The following CTNND2 variants were observed in gnomAD, a reference collection of about 807,000 sequenced individuals.
The protein encoded by CTNND2 is catenin delta-2.
A neutral mutation model predicts 144.4 loss-of-function variants in CTNND2; 22 were observed. That is an observed-to-expected ratio of 0.15 (90% CI 0.11 to 0.22). CTNND2 has a LOEUF of 0.22. CTNND2 is among the 10% of genes least tolerant of loss of function. The pLI, the probability that CTNND2 is intolerant of heterozygous loss-of-function variation, is 1.00. For synonymous variants in CTNND2, 751 were observed against 695.6 expected, an observed-to-expected ratio of 1.08 and a Z score of -1.25; for missense variants, 1,353 against 1,618.8, an observed-to-expected ratio of 0.84 and a Z score of 2.82.
chr5:11,355,699 CA>C (rs1440751351), intron 8 of CTNND2, among the ~76,000 whole-genome samples: 2 of 151,938 alleles, frequency 1.3e-5, no homozygotes, highest in African/African-American at 4.8e-5. Context: ...AGGCAAGAAA[CA>C]AAAACAAAAG....
At chr5:11,371,652 C>A (rs934807608) in intron 7 of CTNND2, among the ~76,000 whole-genome samples, 6 of 152,144 alleles carry the variant, frequency 3.9e-5, no homozygotes, top group African/African-American at 1.4e-4. Flanking sequence ...ATTTAAAGGG[C>A]CCCAAAATAT....
intron 3 of CTNND2, among the ~76,000 whole-genome samples, chr5:11,501,329 T>C (rs1770501234): frequency 6.6e-6 from 1 of 152,188 alleles, no homozygotes; most frequent in African/African-American, 2.4e-5. Flanking sequence ...ATTATCTCTC[T>C]CCAGATATGA....
chr5:11,819,349 A>C (rs1793190478), intron 1 of CTNND2, among the ~76,000 whole-genome samples: 1 of 152,090 alleles, frequency 6.6e-6, no homozygotes, highest in African/African-American at 2.4e-5. Context: ...CAGGAGAATC[A>C]CTTGAGCCCA....
chr5:11,811,127 G>A (rs1792308491), intron 1 of CTNND2, among the ~76,000 whole-genome samples: 1 of 152,108 alleles, frequency 6.6e-6, no homozygotes, highest in South Asian at 2.1e-4. Flanking sequence ...GTCACTCAGG[G>A]TCTGTGAAAG....
In CTNND2 at chr5:11,155,546, A is replaced by G. The variant is rs192370544; in HGVS notation, c.2159+4030T>C. ...AGAAGGGAGCATTAGTGTGCCTGGGATTAGGGGTGGTGGGGAAGAGGTAGC... is the reference window on the plus strand; with the variant it reads ...AGAAGGGAGCATTAGTGTGCCTGGGGTTAGGGGTGGTGGGGAAGAGGTAGC... On this transcript the variant is annotated intron_variant, in intron 12 of 21. Coordinates refer to ENST00000304623, the MANE Select transcript of CTNND2 (RefSeq NM_001332.4). Among the ~76,000 whole-genome samples the G allele has an allele frequency of 3.3e-4, 50 of 152,294 alleles. 1 individual carries two copies. Among genetic ancestry groups the G allele is most frequent in the African/African-American group, 1.0e-3 (42 of 41,564 alleles).
chr5:11,478,793 C>A (rs1251092200), intron 3 of CTNND2, among the ~76,000 whole-genome samples: 1 of 152,116 alleles, frequency 6.6e-6, no homozygotes, highest in Non-Finnish European at 1.5e-5. Flanking sequence ...AAAGGCTTCA[C>A]CCAATCTGGT....
intron 1 of CTNND2, among the ~76,000 whole-genome samples, chr5:11,880,128 C>T (rs1582054635): frequency 6.6e-6 from 1 of 152,164 alleles, no homozygotes; most frequent in South Asian, 2.1e-4. Context: ...AGCAACCTAA[C>T]TTAATTCATC....
At chr5:11,777,463 T>C (rs533952405) in intron 1 of CTNND2, among the ~76,000 whole-genome samples, 4 of 152,354 alleles carry the variant, frequency 2.6e-5, no homozygotes, top group African/African-American at 9.6e-5. Context: ...ATTCATCTGC[T>C]TAACTTCAGT....
At chr5:11,665,906 GA>G (rs1783543964) in intron 2 of CTNND2, among the ~76,000 whole-genome samples, 1 of 152,044 alleles carries the variant, frequency 6.6e-6, no homozygotes, top group African/African-American at 2.4e-5. Flanking sequence ...ATATGTAGGG[GA>G]AAACAAAATG....
chr5:11,791,461 G>A (rs1343954388), intron 1 of CTNND2, among the ~76,000 whole-genome samples: 1 of 152,186 alleles, frequency 6.6e-6, no homozygotes, highest in Non-Finnish European at 1.5e-5. Context: ...ACAAATGGAA[G>A]GAAATGGCCG....
rs373682733 is a variant in CTNND2 at position 11,140,903 on chromosome 5, T to G, written c.2159+18673A>C. ...TTGGAAGGTAAGAGACAATTACTAA[T>G]ACTATTTTTATTCCTTTTGTATTGT... On this transcript the variant is annotated intron_variant, in intron 12 of 21. Transcript: ENST00000304623. 4.5e-4 allele frequency among the ~76,000 whole-genome samples: 69 copies of G among 152,344 alleles called. 1 individual carries two copies. The highest frequency in any genetic ancestry group is 6.8e-3 in the Middle Eastern group (2 of 294).
chr5:11,302,517 G>A (rs1269899031), intron 9 of CTNND2, among the ~76,000 whole-genome samples: 2 of 152,170 alleles, frequency 1.3e-5, no homozygotes, highest in Non-Finnish European at 2.9e-5. Context: ...CCAAAGGAAC[G>A]CAACAAACCC....
intron 9 of CTNND2, among the ~76,000 whole-genome samples, chr5:11,313,817 A>C (rs1177109266): frequency 6.6e-6 from 1 of 152,158 alleles, no homozygotes; most frequent in African/African-American, 2.4e-5. Flanking sequence ...AGCATGGCTA[A>C]GAGGCCTCAG....
At chr5:11,017,721 G>A (rs754420725) in intron 18 of CTNND2, among the ~76,000 whole-genome samples, 1 of 151,738 alleles carries the variant, frequency 6.6e-6, no homozygotes, top group East Asian at 1.9e-4. Flanking sequence ...TCAGGAAAAT[G>A]AGCTTATTTT....
At chr5:11,334,593 T>C (rs945579311) in intron 9 of CTNND2, among the ~76,000 whole-genome samples, 7 of 152,218 alleles carry the variant, frequency 4.6e-5, no homozygotes, top group African/African-American at 1.7e-4. Flanking sequence ...ATCTCACCTA[T>C]CCCTTCATAT....
intron 1 of CTNND2, among the ~76,000 whole-genome samples, chr5:11,845,606 T>C (rs937504084): frequency 5.3e-5 from 8 of 152,200 alleles, no homozygotes; most frequent in African/African-American, 1.9e-4. Flanking sequence ...AGACTCTCCC[T>C]CACAGCCTTT....
At chr5:11,533,514 G>A (rs1773942628) in intron 3 of CTNND2, among the ~76,000 whole-genome samples, 1 of 152,198 alleles carries the variant, frequency 6.6e-6, no homozygotes, top group African/African-American at 2.4e-5. Flanking sequence ...ATGGCACAGA[G>A]GTCCAGTGTG....
At chr5:11,081,700 T>C (rs1015623) in intron 16 of CTNND2, among the ~76,000 whole-genome samples, 116,547 of 152,114 alleles carry the variant, frequency 0.77, 45,671 homozygotes, top group African/African-American at 0.93. Flanking sequence ...TAAAGAAACA[T>C]AATCCTTATG....
chr5:11,816,112 C>G, intron 1 of CTNND2, among the ~76,000 whole-genome samples: 1 of 152,216 alleles, frequency 6.6e-6, no homozygotes, highest in East Asian at 1.9e-4. Context: ...ACTCATGCAC[C>G]TGGGGGCTGC....
Sources: gnomAD v4.1 joint callset for allele counts (sites outside exome capture counted in the v4.1 genomes callset) on GRCh38, gnomAD v4.1.1 for gene constraint, MANE v1.5 for transcripts, NCBI Gene and HGNC (gene_info 2026-07-23, HGNC 2026-07-21) for gene names.